ST18: variants seen among roughly 807,000 people sequenced by gnomAD.
ST18 encodes suppression of tumorigenicity 18 protein.
In ST18, 50 loss-of-function variants were observed where a neutral mutation model predicts 110.0. The ratio of observed to expected loss-of-function variants is 0.45; its 90% CI spans 0.36 to 0.58. ST18 has a LOEUF of 0.58. Among genes scored for constraint, ST18 ranks in the 20% least tolerant of loss-of-function variants. ST18 has a pLI of 0.00. For synonymous variants in ST18, 461 were observed against 452.4 expected (o/e 1.02, Z -0.24); for missense variants, 1,306 against 1,280.1 (o/e 1.02, Z -0.31).
intron 19 of ST18, among the ~76,000 whole-genome samples, chr8:52,134,594 G>A (rs2051177426): frequency 7.7e-6 from 1 of 129,706 alleles, no homozygotes; most frequent in Non-Finnish European, 1.5e-5. Flanking sequence ...AGAAAATAGG[G>A]AACAAATTGC....
At chr8:52,303,019 T>A (rs183173789) in intron 2 of ST18, among the ~76,000 whole-genome samples, 1 of 152,200 alleles carries the variant, frequency 6.6e-6, no homozygotes, top group Non-Finnish European at 1.5e-5. Flanking sequence ...AGAATCCTTA[T>A]TTATTAAAAA....
intron 2 of ST18, among the ~76,000 whole-genome samples, chr8:52,375,994 A>C (rs1423634254): frequency 6.6e-6 from 1 of 152,070 alleles, no homozygotes; most frequent in Non-Finnish European, 1.5e-5. Context: ...TACTGGCTCT[A>C]CCTTCAGAGC....
chr8:52,113,128 T>C lies in ST18; in HGVS notation c.*70A>G. The C allele has an allele frequency of 1.9e-6, 3 of 1,588,692 alleles. No homozygotes were observed. Among genetic ancestry groups the C allele is most frequent in the South Asian group, 1.2e-5 (1 of 86,870 alleles). On this transcript the variant is annotated 3_prime_UTR_variant, in exon 26 of 26. Coordinates refer to ENST00000689386, the MANE Select transcript of ST18 (RefSeq NM_001352837.2). ...GCAACCTCCACGCCTTAGCAGTACA[T>C]GAACCTCTAACAGATCCATCTGGAG...
chr8:52,409,800 T>C (rs145734687), upstream of ST18: 1 of 152,394 alleles, frequency 6.6e-6, no homozygotes, highest in Non-Finnish European at 1.5e-5. Flanking sequence ...CTCTGTGTTA[T>C]TTACCAACCG....
At chr8:52,367,422 G>A (rs1013707758) in intron 2 of ST18, among the ~76,000 whole-genome samples, 3 of 151,742 alleles carry the variant, frequency 2.0e-5, no homozygotes, top group African/African-American at 4.8e-5. Context: ...ACTTTGTCTC[G>A]AAAAAATAAA....
intron 7 of ST18, among the ~76,000 whole-genome samples, chr8:52,212,319 C>G (rs756390588): frequency 2.0e-5 from 3 of 152,156 alleles, no homozygotes; most frequent in Non-Finnish European, 4.4e-5. Context: ...CTTGGGTGAA[C>G]TGGGGCCTGA....
chr8:52,373,895 G>A (rs1490704065), intron 2 of ST18, among the ~76,000 whole-genome samples: 1 of 152,088 alleles, frequency 6.6e-6, no homozygotes, highest in Non-Finnish European at 1.5e-5. Flanking sequence ...TCAGGAGCAC[G>A]CATCTCAAGT....
At chr8:52,139,480 C>T (rs577362122) in intron 17 of ST18, among the ~76,000 whole-genome samples, 34 of 152,152 alleles carry the variant, frequency 2.2e-4, no homozygotes, top group Admixed American at 3.9e-4. Context: ...CTCAGCCTCC[C>T]GAATAGCTTG....
At position 52,171,720 on chromosome 8, in the gene ST18, A is replaced by T. The variant is rs921022170; in HGVS notation, c.1069+72T>A. 38 of 1,523,138 alleles carry T rather than the reference A, an allele frequency of 2.5e-5. No homozygotes were observed. In the Middle Eastern group the frequency reaches 1.0e-3, roughly 41 times the overall value. The allele number at this position is 1,523,138 out of a possible 1,614,324, so 94.4% of individuals were successfully genotyped here. A position where few individuals can be genotyped will look rare whatever the true frequency, so the allele number is the denominator to read the frequency against. ...TGTTAAAAAGCTACCTGAAAAAAAT[A>T]ATCAAATCTGACTTTTTTTTCAAAC... On this transcript the variant is annotated intron_variant, in intron 10 of 25. Transcript: ENST00000689386.
chr8:52,377,757 C>CT (rs1832975667), intron 2 of ST18, among the ~76,000 whole-genome samples: 1 of 152,084 alleles, frequency 6.6e-6, no homozygotes, highest in African/African-American at 2.4e-5. Flanking sequence ...TGGATGTATA[C>CT]CCAAGAGAAA....
At chr8:52,211,374 T>C (rs2082085586) in intron 8 of ST18, among the ~76,000 whole-genome samples, 1 of 133,910 alleles carries the variant, frequency 7.5e-6, no homozygotes, top group South Asian at 2.5e-4. Context: ...GATGGAATCA[T>C]CTAATTATTA....
chr8:52,317,067 C>A (rs559830091), intron 2 of ST18, among the ~76,000 whole-genome samples: 1 of 152,286 alleles, frequency 6.6e-6, no homozygotes, highest in South Asian at 2.1e-4. Flanking sequence ...ACGTAGCGAG[C>A]TTTGTTAGTA....
At chr8:52,233,452 G>A (rs1346690236) in intron 2 of ST18, among the ~76,000 whole-genome samples, 1 of 152,162 alleles carries the variant, frequency 6.6e-6, no homozygotes, top group African/African-American at 2.4e-5. Flanking sequence ...TTTGAGTGAA[G>A]AAGAATTCCT....
At chr8:52,298,097 A>G (rs2095661393) in intron 2 of ST18, among the ~76,000 whole-genome samples, 1 of 152,234 alleles carries the variant, frequency 6.6e-6, no homozygotes, top group Non-Finnish European at 1.5e-5. Flanking sequence ...GAGCTTCATC[A>G]GAGTCCTCCA....
intron 10 of ST18, among the ~76,000 whole-genome samples, chr8:52,169,273 G>T (rs888367329): frequency 2.6e-5 from 4 of 152,284 alleles, no homozygotes; most frequent in Non-Finnish European, 5.9e-5. Flanking sequence ...TTTGTACAAT[G>T]TTGCATAATG....
intron 2 of ST18, among the ~76,000 whole-genome samples, chr8:52,245,624 T>A (rs2093783437): frequency 6.6e-6 from 1 of 152,126 alleles, no homozygotes; most frequent in Non-Finnish European, 1.5e-5. Context: ...ATGTAAATAT[T>A]TTCATAGAAT....
At chr8:52,202,482 C>T (rs1358380178) in intron 8 of ST18, among the ~76,000 whole-genome samples, 1 of 152,074 alleles carries the variant, frequency 6.6e-6, no homozygotes, top group Non-Finnish European at 1.5e-5. Flanking sequence ...AAGCCGAAGG[C>T]AGAGAATCTG....
chr8:52,154,886 A>G (rs2059653223), intron 15 of ST18: 2 of 151,434 alleles, frequency 1.3e-5, no homozygotes, highest in Non-Finnish European at 2.9e-5. Context: ...TCAGAAAAAA[A>G]AAAAAAAGAA....
At chr8:52,161,838 C>T (rs2061535271) in intron 13 of ST18, among the ~76,000 whole-genome samples, 1 of 152,200 alleles carries the variant, frequency 6.6e-6, no homozygotes, top group African/African-American at 2.4e-5. Flanking sequence ...AATATGCAAT[C>T]CTCCATTCAT....
Sources: gnomAD v4.1 joint callset for allele counts (sites outside exome capture counted in the v4.1 genomes callset) on GRCh38, gnomAD v4.1.1 for gene constraint, MANE v1.5 for transcripts, NCBI Gene and HGNC (gene_info 2026-07-23, HGNC 2026-07-21) for gene names.